Variants in SLC24A5 observed in about 807,000 individuals in gnomAD.
SLC24A5 encodes the protein sodium/potassium/calcium exchanger 5.
Under a neutral mutation model 51.6 loss-of-function variants are expected in SLC24A5, and 46 were observed. The ratio of observed to expected loss-of-function variants is 0.89; its 90% CI spans 0.70 to 1.14. SLC24A5 has a LOEUF of 1.14. Among genes scored for constraint, SLC24A5 ranks in the 50% most tolerant of loss-of-function variants. SLC24A5 has a pLI of 0.00. For missense variants in SLC24A5, 581 were observed against 604.1 expected (o/e 0.96, Z 0.40); for synonymous variants, 230 against 214.9 (o/e 1.07, Z -0.62).
intron 5 of SLC24A5, chr15:48,135,674 T>C (rs1355992923): frequency 2.0e-5 from 3 of 151,204 alleles, no homozygotes; most frequent in African/African-American, 7.3e-5. Flanking sequence ...ACAGGTTATA[T>C]ACATTGCATA....
chr15:48,121,720 C>T (rs1305545126), intron 1 of SLC24A5, 137 bp from the exon 2 acceptor site: 8 of 859,658 alleles, frequency 9.3e-6, no homozygotes, highest in Admixed American at 2.4e-5. Context: ...TATTCAGAAG[C>T]GCTTTATACA....
chr15:48,137,551 A>G (rs964627602), intron 6 of SLC24A5: 11 of 152,232 alleles, frequency 7.2e-5, no homozygotes, highest in African/African-American at 1.2e-4. Context: ...TAAAATATGA[A>G]GAGACAAAGA....
intron 2 of SLC24A5, chr15:48,122,793 G>A (rs976810243): frequency 1.3e-5 from 2 of 152,110 alleles, no homozygotes; most frequent in Non-Finnish European, 2.9e-5. Context: ...GAGCAAAAGT[G>A]TGTTTCTAGA....
intron 5 of SLC24A5, 141 bp from the exon 6 acceptor site, chr15:48,136,542 C>G (rs1220950873): frequency 1.3e-6 from 1 of 789,800 alleles, no homozygotes; most frequent in Non-Finnish European, 1.9e-6. Flanking sequence ...GACAAATCTA[C>G]AAAACAAAAA....
rs201738721 is a variant in SLC24A5, at chr15:48,121,493, G to A, written c.121+328G>A. 5.9e-5 allele frequency among the ~76,000 whole-genome samples: 9 copies of A among 152,214 alleles called. No individual in the cohort carries two copies. The East Asian group carries it at 1.5e-3, about 26-fold the overall frequency. ...CTTTGCAGGCCTGTGAACAATTTAGGCTCTGCAATGAGAAAACGAAATTGT... is the reference window on the plus strand; with the variant it reads ...CTTTGCAGGCCTGTGAACAATTTAGACTCTGCAATGAGAAAACGAAATTGT... On this transcript the variant is annotated intron_variant, in intron 1 of 8. Coordinates refer to ENST00000341459, the MANE Select transcript of SLC24A5 (RefSeq NM_205850.3).
chr15:48,128,081 A>G (rs1340288617), intron 2 of SLC24A5, among the ~76,000 whole-genome samples: 2 of 151,898 alleles, frequency 1.3e-5, no homozygotes, highest in Admixed American at 6.6e-5. Flanking sequence ...AATTTTAGAA[A>G]CACAAAAGAT....
chr15:48,134,749 A>T, intron 4 of SLC24A5, 135 bp from the exon 5 acceptor site: 1 of 797,804 alleles, frequency 1.3e-6, no homozygotes, highest in Non-Finnish European at 2.0e-6. Context: ...ACACAATTTT[A>T]CATTTTTTTC....
At position 48,139,182 on chromosome 15, in the gene SLC24A5, A is replaced by G; in HGVS notation, c.1078+7A>G. 1 of 1,600,036 alleles carries G rather than the reference A, an allele frequency of 6.2e-7. No homozygotes were observed. Among genetic ancestry groups the G allele is most frequent in the African/African-American group, 1.3e-5 (1 of 74,700 alleles). ...TGGATGGTCACAATAACTGGTATGTATTTTAAGTACAATAGCACAACTTGA... is the reference window on the plus strand; with the variant it reads ...TGGATGGTCACAATAACTGGTATGTGTTTTAAGTACAATAGCACAACTTGA... On this transcript the variant is annotated splice_region_variant and intron_variant, in intron 7 of 8. Transcript: ENST00000341459.
rs776120375 is a variant in SLC24A5 at position 48,134,337 on chromosome 15, C to T, written c.381C>T (p.Phe127=). The T allele has an allele frequency of 1.9e-6, 3 of 1,613,470 alleles. No individual in the cohort carries two copies. Among genetic ancestry groups the T allele is most frequent in the Admixed American group, 1.7e-5 (1 of 59,958 alleles). The change falls in exon 3 of 9, where the codon TTC becomes TTT. Residue 127 remains phenylalanine, a synonymous_variant. Coordinates refer to ENST00000341459, the MANE Select transcript of SLC24A5 (RefSeq NM_205850.3). Reference sequence around the variant, plus strand: ...CAGCTCCTGAATTAGTTACTGCTTTCCTAGGTAAATATTGCTCCTTATACT... The same window carrying T: ...CAGCTCCTGAATTAGTTACTGCTTTTCTAGGTAAATATTGCTCCTTATACT... ...GSSAPELVTA[F]LGVFITKGDI... is the part of the protein sequence containing the mutation.
chr15:48,122,119 T>A (rs1375572874), intron 2 of SLC24A5, 83 bp downstream of exon 2: 1 of 1,404,218 alleles, frequency 7.1e-7, no homozygotes, highest in Non-Finnish European at 1.0e-6. Context: ...GCTCAGCAGC[T>A]GTCCTGTACT....
intron 5 of SLC24A5, 172 bp downstream of exon 5, chr15:48,135,156 C>T (rs2038865865): frequency 5.9e-6 from 3 of 511,942 alleles, no homozygotes; most frequent in Non-Finnish European, 3.5e-6. Context: ...GTTCTTCTCA[C>T]TAGTTTGCAA....
intron 2 of SLC24A5, among the ~76,000 whole-genome samples, chr15:48,126,913 A>G (rs184043931): frequency 6.6e-6 from 1 of 151,980 alleles, no homozygotes; most frequent in Non-Finnish European, 1.5e-5. Context: ...TTTTCTCTCT[A>G]TATATTGATA....
chr15:48,125,596 CA>C (rs1305779387), intron 2 of SLC24A5, among the ~76,000 whole-genome samples: 1 of 151,712 alleles, frequency 6.6e-6, no homozygotes, highest in Non-Finnish European at 1.5e-5. Context: ...AAAATTTTGA[CA>C]AAAAAATATC....
intron 2 of SLC24A5, among the ~76,000 whole-genome samples, chr15:48,128,507 T>G (rs1460326795): frequency 2.0e-5 from 3 of 152,186 alleles, no homozygotes; most frequent in Non-Finnish European, 4.4e-5. Context: ...GAAATGCAAG[T>G]TTTAATTCCA....
chr15:48,135,215 G>A, intron 5 of SLC24A5: 2 of 349,746 alleles, frequency 5.7e-6, no homozygotes. Context: ...ACTAGTCACT[G>A]GAGACCACCA....
In SLC24A5 at chr15:48,141,214, G is replaced by T; in HGVS notation, c.1180G>T (p.Gly394Trp). 2 of 1,609,120 alleles carry T rather than the reference G, an allele frequency of 1.2e-6. No individual in the cohort carries two copies. Among genetic ancestry groups the T allele is most frequent in the Non-Finnish European group, 1.7e-6 (2 of 1,175,602 alleles). ...TIASVLVARK[G>W]KGDMAMSNIV... ...TGCAAGTGTGTTGGTTGCAAGAAAA[G>T]GTAAGAACTAGGTCCCTCAAGCTGC... is the stretch of plus-strand genomic sequence containing the variant. The change falls in exon 8 of 9, where the codon GGG becomes TGG. Residue 394 changes from glycine (G) to tryptophan (W), a missense_variant and splice_region_variant. Coordinates refer to ENST00000341459, the MANE Select transcript of SLC24A5 (RefSeq NM_205850.3).
At chr15:48,134,067 T>G (rs746860616) in intron 2 of SLC24A5, among the ~76,000 whole-genome samples, 191 bp from the exon 3 acceptor site, 1 of 152,122 alleles carries the variant, frequency 6.6e-6, no homozygotes, top group Non-Finnish European at 1.5e-5. Flanking sequence ...TCCCTCACCC[T>G]TTCTATAGAA....
intron 2 of SLC24A5, among the ~76,000 whole-genome samples, chr15:48,133,441 G>T (rs2038818647): frequency 6.6e-6 from 1 of 152,034 alleles, no homozygotes; most frequent in South Asian, 2.1e-4. Flanking sequence ...TCTTAATTTA[G>T]TGACTCTCAT....
At chr15:48,130,389 T>G (rs894100503) in intron 2 of SLC24A5, among the ~76,000 whole-genome samples, 21 of 152,150 alleles carry the variant, frequency 1.4e-4, no homozygotes, top group African/African-American at 4.8e-4. Context: ...TAAAATATCT[T>G]TAAGTTTTAT....
Sources: allele counts gnomAD v4.1 joint callset (sites outside exome capture counted in the v4.1 genomes callset), GRCh38; gene constraint gnomAD v4.1.1; transcripts MANE v1.5; gene names NCBI Gene and HGNC (gene_info 2026-07-23, HGNC 2026-07-21).